The following PPM1L variants were observed in gnomAD, a reference collection of about 807,000 sequenced individuals.
PPM1L encodes the protein protein phosphatase, Mg2+/Mn2+ dependent 1L, also known as protein phosphatase 1L.
Under a neutral mutation model 31.4 loss-of-function variants are expected in PPM1L, and 13 were observed. That is an observed-to-expected ratio of 0.41 (90% CI 0.27 to 0.66). PPM1L has a LOEUF of 0.66. Among genes scored for constraint, PPM1L ranks in the 30% least tolerant of loss-of-function variants. The pLI is 0.29. For missense variants in PPM1L, 326 were observed against 453.7 expected, an observed-to-expected ratio of 0.72 and a Z score of 2.56; for synonymous variants, 184 against 175.4, an observed-to-expected ratio of 1.05 and a Z score of -0.39.
intron 2 of PPM1L, among the ~76,000 whole-genome samples, chr3:160,997,335 C>T (rs961619703): frequency 9.2e-5 from 14 of 152,020 alleles, no homozygotes; most frequent in African/African-American, 2.9e-4. Context: ...TGGATATGTG[C>T]GGGAGGTGGA....
chr3:160,879,551 G>T (rs1442705689), intron 1 of PPM1L, among the ~76,000 whole-genome samples: 4 of 152,126 alleles, frequency 2.6e-5, no homozygotes, highest in South Asian at 4.2e-4. Context: ...GGAAGAGAAA[G>T]AATTTTTGTC....
At chr3:160,776,810 A>G (rs1711570369) in intron 1 of PPM1L, among the ~76,000 whole-genome samples, 1 of 151,908 alleles carries the variant, frequency 6.6e-6, no homozygotes, top group Admixed American at 6.6e-5. Context: ...CATGTTGGTC[A>G]GGCTGGTCTC....
chr3:160,924,931 C>T (rs1714535862), intron 1 of PPM1L, among the ~76,000 whole-genome samples: 1 of 152,208 alleles, frequency 6.6e-6, no homozygotes, highest in Admixed American at 6.5e-5. Flanking sequence ...CAGCTCTTTA[C>T]TGACATAAAA....
intron 1 of PPM1L, among the ~76,000 whole-genome samples, chr3:160,910,589 G>A (rs943358602): frequency 6.6e-6 from 1 of 152,154 alleles, no homozygotes; most frequent in African/African-American, 2.4e-5. Context: ...GGGATTACAG[G>A]CGTGAGCTAT....
At chr3:160,815,110 G>T (rs1712955624) in intron 1 of PPM1L, among the ~76,000 whole-genome samples, 1 of 151,760 alleles carries the variant, frequency 6.6e-6, no homozygotes, top group Non-Finnish European at 1.5e-5. Flanking sequence ...CACCACTAAG[G>T]AACTTATCTA....
intron 1 of PPM1L, among the ~76,000 whole-genome samples, chr3:160,894,173 A>G (rs902696442): frequency 5.3e-5 from 8 of 152,202 alleles, no homozygotes; most frequent in Admixed American, 5.2e-4. Flanking sequence ...TACAAAAAAC[A>G]TTGACAGCCT....
At chr3:160,794,159 G>A (rs1344523791) in intron 1 of PPM1L, among the ~76,000 whole-genome samples, 1 of 152,078 alleles carries the variant, frequency 6.6e-6, no homozygotes, top group Non-Finnish European at 1.5e-5. Flanking sequence ...CAGAGGTTTT[G>A]TTGTTGTTCT....
At chr3:160,967,407 G>A (rs1042551422) in intron 2 of PPM1L, among the ~76,000 whole-genome samples, 6 of 151,940 alleles carry the variant, frequency 3.9e-5, no homozygotes, top group African/African-American at 1.5e-4. Flanking sequence ...AGGCTGTGAG[G>A]TCCAAGGTCA....
intron 1 of PPM1L, among the ~76,000 whole-genome samples, chr3:160,874,585 C>T (rs1712442988): frequency 6.6e-6 from 1 of 152,188 alleles, no homozygotes. Context: ...TATATCCTAT[C>T]CTATATGCTC....
At chr3:160,861,552 A>G (rs903373387) in intron 1 of PPM1L, among the ~76,000 whole-genome samples, 1 of 152,168 alleles carries the variant, frequency 6.6e-6, no homozygotes, top group Non-Finnish European at 1.5e-5. Context: ...GCTCTCTGAG[A>G]TGCCTTTGAG....
In PPM1L at chr3:160,863,246, GA is replaced by G. The variant is rs969896692; in HGVS notation, c.400-98489del. On this transcript the variant is annotated intron_variant, in intron 1 of 3. Transcript: ENST00000498165. Reference sequence around the variant, plus strand: ...ATAGAATTTTTAAAATACAGACTTGGAGACCACATTCAAAACACTTCATAGC... The same window carrying G: ...ATAGAATTTTTAAAATACAGACTTGGGACCACATTCAAAACACTTCATAGC... Among the ~76,000 whole-genome samples, 72 of 152,162 alleles carry G rather than the reference GA, an allele frequency of 4.7e-4. 1 individual carries two copies. Among genetic ancestry groups the G allele is most frequent in the African/African-American group, 1.7e-3 (70 of 41,492 alleles).
At chr3:160,999,617 C>T (rs556229942) in intron 2 of PPM1L, among the ~76,000 whole-genome samples, 1 of 152,332 alleles carries the variant, frequency 6.6e-6, no homozygotes, top group Admixed American at 6.5e-5. Context: ...TTCAATGCAA[C>T]CACTTTAATG....
intron 1 of PPM1L, among the ~76,000 whole-genome samples, chr3:160,920,611 T>A (rs62270290): frequency 6.1e-3 from 217 of 35,504 alleles, no homozygotes; most frequent in Admixed American, 9.5e-3. Flanking sequence ...TCTCTCTCTC[T>A]CTCTCACACA....
chr3:161,012,378 A>G (rs1055303377), intron 2 of PPM1L, among the ~76,000 whole-genome samples: 3 of 152,072 alleles, frequency 2.0e-5, no homozygotes, highest in Non-Finnish European at 2.9e-5. Flanking sequence ...CCACTTGATC[A>G]TGGTGGATAA....
chr3:160,993,177 T>C (rs1489580912), intron 2 of PPM1L, among the ~76,000 whole-genome samples: 2 of 152,152 alleles, frequency 1.3e-5, no homozygotes, highest in Non-Finnish European at 2.9e-5. Context: ...TGATATTATA[T>C]GCTAATAAGT....
At chr3:160,913,039 G>C (rs1216325142) in intron 1 of PPM1L, among the ~76,000 whole-genome samples, 1 of 152,150 alleles carries the variant, frequency 6.6e-6, no homozygotes, top group African/African-American at 2.4e-5. Context: ...AGGTTATCAT[G>C]GGATAGATGG....
chr3:160,893,675 T>C (rs1262645440), intron 1 of PPM1L, among the ~76,000 whole-genome samples: 1 of 152,174 alleles, frequency 6.6e-6, no homozygotes, highest in Non-Finnish European at 1.5e-5. Context: ...TATTGTAGTT[T>C]AAAACAAAAA....
In PPM1L at chr3:160,756,502, A is replaced by C; in HGVS notation, c.194A>C (p.Glu65Ala). Residue 65 changes from glutamate (E) to alanine (A), a missense_variant, in exon 1 of 4, where the codon GAG becomes GCG. Physicochemically the swap from Glu to Ala is moderately radical, Grantham distance 107. Coordinates refer to ENST00000498165, the MANE Select transcript of PPM1L (RefSeq NM_139245.4). The surrounding 1 kb of genome is among the most constrained non-coding windows in gnomAD (Gnocchi z 6.2). ...AVKMVKGKVAEIMQNDRLGGL... is the reference protein window; with the variant it reads ...AVKMVKGKVAAIMQNDRLGGL... ...AAGATGGTGAAGGGCAAGGTAGCCG[A>C]GATCATGCAGAACGATCGACTCGGG... 1 of 1,614,162 alleles carries C rather than the reference A, an allele frequency of 6.2e-7. No homozygotes were observed. The highest frequency in any genetic ancestry group is 8.5e-7 in the Non-Finnish European group (1 of 1,180,036).
At chr3:160,879,883 T>C (rs1228937133) in intron 1 of PPM1L, among the ~76,000 whole-genome samples, 1 of 152,200 alleles carries the variant, frequency 6.6e-6, no homozygotes, top group African/African-American at 2.4e-5. Context: ...ACTGCTCCTG[T>C]AGGAGACCAG....
Sources: allele counts gnomAD v4.1 joint callset (sites outside exome capture counted in the v4.1 genomes callset), GRCh38; gene constraint gnomAD v4.1.1; non-coding constraint Gnocchi (gnomAD v3.1); transcripts MANE v1.5; gene names NCBI Gene and HGNC (gene_info 2026-07-23, HGNC 2026-07-21).